Variants in CDKAL1 observed in about 807,000 individuals in gnomAD.
CDKAL1 encodes threonylcarbamoyladenosine tRNA methylthiotransferase.
In CDKAL1, 32 loss-of-function variants were observed where a neutral mutation model predicts 68.2. That is an observed-to-expected ratio of 0.47 (90% confidence interval 0.35 to 0.63). The LOEUF (loss-of-function observed/expected upper bound fraction) is 0.63, where lower values mean the gene tolerates loss of function less well. Ranked by LOEUF, CDKAL1 falls within the 30% of genes least tolerant of loss-of-function variation. The pLI is 0.00. For synonymous variants in CDKAL1, 234 were observed against 244.3 expected, an observed-to-expected ratio of 0.96 and a Z score of 0.39; for missense variants, 606 against 696.7, an observed-to-expected ratio of 0.87 and a Z score of 1.47.
chr6:21,013,647 C>G (rs534718575), intron 11 of CDKAL1, among the ~76,000 whole-genome samples: 3 of 152,152 alleles, frequency 2.0e-5, no homozygotes, highest in Non-Finnish European at 4.4e-5. Context: ...ACTAAGTTAA[C>G]ATTTGTACTG....
At chr6:20,833,458 A>G (rs1777802041) in intron 8 of CDKAL1, among the ~76,000 whole-genome samples, 1 of 152,054 alleles carries the variant, frequency 6.6e-6, no homozygotes, top group Admixed American at 6.6e-5. Context: ...CAATTCCAAG[A>G]CCAGGATCTT....
chr6:21,090,789 C>A (rs1772965289), intron 12 of CDKAL1, among the ~76,000 whole-genome samples: 1 of 145,940 alleles, frequency 6.9e-6, no homozygotes. Flanking sequence ...AGTATACTAA[C>A]AATTTTTTCT....
chr6:20,642,611 G>A (rs1290999163), intron 4 of CDKAL1, among the ~76,000 whole-genome samples: 1 of 151,958 alleles, frequency 6.6e-6, no homozygotes, highest in Non-Finnish European at 1.5e-5. Context: ...AGTTTTCATA[G>A]CAGACTCCAG....
chr6:20,867,081 T>C (rs540367984), intron 9 of CDKAL1, among the ~76,000 whole-genome samples: 1 of 152,318 alleles, frequency 6.6e-6, no homozygotes, highest in East Asian at 1.9e-4. Context: ...CAATTTGAAT[T>C]TCCTGAGGCT....
intron 4 of CDKAL1, among the ~76,000 whole-genome samples, chr6:20,630,909 A>G (rs1217586004): frequency 6.6e-6 from 1 of 152,226 alleles, no homozygotes; most frequent in African/African-American, 2.4e-5. Flanking sequence ...GAGATAATGC[A>G]TTTGAAAATG....
At chr6:20,674,245 TC>T (rs1769984673) in intron 5 of CDKAL1, among the ~76,000 whole-genome samples, 1 of 152,206 alleles carries the variant, frequency 6.6e-6, no homozygotes, top group African/African-American at 2.4e-5. Flanking sequence ...AATAGCAGTT[TC>T]TTTTGTCCAG....
intron 8 of CDKAL1, among the ~76,000 whole-genome samples, chr6:20,782,393 T>C (rs1281629182): frequency 6.6e-6 from 1 of 152,208 alleles, no homozygotes; most frequent in African/African-American, 2.4e-5. Flanking sequence ...CAGTGAGAAG[T>C]ACAGTTGTCG....
Position 20,753,053 on chromosome 6 carries a change from G to C in CDKAL1, c.469-5542G>C, listed in dbSNP as rs1415112876. 3.9e-5 allele frequency among the ~76,000 whole-genome samples: 6 copies of C among 152,138 alleles called. No homozygotes were observed. The East Asian group carries it at 1.2e-3, about 29-fold the overall frequency. On this transcript the variant is annotated intron_variant, in intron 6 of 15. Transcript: ENST00000274695. ...ACACTATGCAATTCACCCATTTAAA[G>C]TGTACAATTCATTGCATTTTAGTTT...
chr6:20,845,962 A>C, intron 8 of CDKAL1, 113 bp from the exon 9 acceptor site: 2 of 625,532 alleles, frequency 3.2e-6, no homozygotes, highest in Non-Finnish European at 2.7e-6. Context: ...TCTTGTATAA[A>C]CCAAGCAAAT....
chr6:21,231,340 A>C lies in CDKAL1; in HGVS notation c.*301A>C, dbSNP rs1779968020. 2 of 233,286 alleles carry C rather than the reference A, an allele frequency of 8.6e-6. No individual in the cohort carries two copies. The highest frequency in any genetic ancestry group is 1.6e-5 in the Non-Finnish European group (2 of 121,968). The allele number at this position is 233,286 out of a possible 1,614,324, so 14.5% of individuals were successfully genotyped here. On this transcript the variant is annotated 3_prime_UTR_variant, in exon 16 of 16. Transcript: ENST00000274695. ...TTTTTTCTGTTTGTTTCAATCTCTA[A>C]TCTTTAAGTCAGAACCTAATTGTAC...
At chr6:21,113,495 T>G (rs913194077) in intron 13 of CDKAL1, among the ~76,000 whole-genome samples, 1 of 150,766 alleles carries the variant, frequency 6.6e-6, no homozygotes, top group African/African-American at 2.4e-5. Flanking sequence ...AAAAACGGGG[T>G]TTTTTTGTTT....
intron 8 of CDKAL1, among the ~76,000 whole-genome samples, chr6:20,834,297 A>G (rs1335914567): frequency 6.6e-6 from 1 of 152,158 alleles, no homozygotes; most frequent in South Asian, 2.1e-4. Flanking sequence ...CCTTGCCTTT[A>G]GGCTACATCT....
chr6:20,823,052 G>A (rs184576585), intron 8 of CDKAL1, among the ~76,000 whole-genome samples: 251 of 152,190 alleles, frequency 1.6e-3, no homozygotes, highest in Admixed American at 0.011. Context: ...ATAAGCACAC[G>A]TACACATTCT....
At chr6:20,619,342 A>G (rs1483702009) in intron 4 of CDKAL1, among the ~76,000 whole-genome samples, 1 of 152,208 alleles carries the variant, frequency 6.6e-6, no homozygotes, top group East Asian at 1.9e-4. Flanking sequence ...AATATATCGT[A>G]TTCTTGAAAA....
intron 9 of CDKAL1, among the ~76,000 whole-genome samples, chr6:20,899,470 T>A (rs1761861655): frequency 6.6e-6 from 1 of 152,058 alleles, no homozygotes; most frequent in South Asian, 2.1e-4. Flanking sequence ...AACAGAATGA[T>A]GCTGCTTTTT....
rs753304984 is a variant in CDKAL1 at position 20,848,279 on chromosome 6, G to GTTTTTTTGGTTT, written c.742+2108_742+2109insGGTTTTTTTTTT. ...TCCTTTTGTTACTTGCTGGAAAGTTGTTTTTTTTTTTTTTCCAATTTAGTT... is the reference window on the plus strand; with the variant it reads ...TCCTTTTGTTACTTGCTGGAAAGTTGTTTTTTTGGTTTTTTTTTTTTTTTTTCCAATTTAGTT... On this transcript the variant is annotated intron_variant, in intron 9 of 15. Transcript: ENST00000274695. Among the ~76,000 whole-genome samples the GTTTTTTTGGTTT allele has an allele frequency of 4.7e-3, 296 of 62,330 alleles. 3 individuals carry two copies. Among genetic ancestry groups the GTTTTTTTGGTTT allele is most frequent in the Admixed American group, 0.016 (92 of 5,764 alleles). 40.9% of individuals were successfully genotyped at this position (62,330 alleles called of 152,430 possible).
At chr6:21,065,981 T>C (rs564404720) in intron 12 of CDKAL1, among the ~76,000 whole-genome samples, 2 of 151,918 alleles carry the variant, frequency 1.3e-5, no homozygotes, top group African/African-American at 4.8e-5. Flanking sequence ...TTGCGGTTTT[T>C]GCCTTTAATT....
intron 11 of CDKAL1, among the ~76,000 whole-genome samples, chr6:21,064,620 G>C (rs1034671417): frequency 2.6e-5 from 4 of 152,156 alleles, no homozygotes; most frequent in African/African-American, 9.7e-5. Flanking sequence ...TACAGTGAAA[G>C]TTATCTTTGC....
intron 7 of CDKAL1, among the ~76,000 whole-genome samples, chr6:20,776,088 ACTTTC>A (rs1444330890): frequency 6.6e-6 from 1 of 152,224 alleles, no homozygotes; most frequent in Non-Finnish European, 1.5e-5. Flanking sequence ...AGGCAGAGAT[ACTTTC>A]CTTTATTTGC....
Sources: allele counts gnomAD v4.1 joint callset (sites outside exome capture counted in the v4.1 genomes callset), GRCh38; gene constraint gnomAD v4.1.1; transcripts MANE v1.5; gene names NCBI Gene and HGNC (gene_info 2026-07-23, HGNC 2026-07-21).